Variants in CELF2 observed in about 807,000 individuals in gnomAD.
The protein encoded by CELF2 is CUG triplet repeat RNA-binding protein 2.
In CELF2, 8 loss-of-function variants were observed where a neutral mutation model predicts 62.6. The ratio of observed to expected loss-of-function variants is 0.13; its 90% confidence interval spans 0.07 to 0.23. The LOEUF is 0.23. Among genes scored for constraint, CELF2 ranks in the 10% least tolerant of loss-of-function variants. CELF2 has a pLI of 1.00. For missense variants in CELF2, 333 were observed against 671.0 expected (o/e 0.50, Z 5.56); for synonymous variants, 258 against 250.0 (o/e 1.03, Z -0.30).
At position 10,931,594 on chromosome 10, in the gene CELF2, C is replaced by T. The variant is rs1007893010; in HGVS notation, c.89+11595C>T. ...ATTCATCATTGGGCACCACGGCACC[C>T]CTTCCAAAGTAAAGAAAATTTATTT... On this transcript the variant is annotated intron_variant, in intron 2 of 13. Coordinates refer to the CELF2 transcript ENST00000636488. This position sits in a 1 kb window ranked among gnomAD's most constrained non-coding sequence, Gnocchi z 6.1. Among the ~76,000 whole-genome samples, 1 of 152,098 alleles carries T rather than the reference C, an allele frequency of 6.6e-6. No homozygotes were observed. The highest frequency in any genetic ancestry group is 1.5e-5 in the Non-Finnish European group (1 of 68,022).
chr10:11,094,705 G>T (rs1022783774), intron 1 of CELF2, among the ~76,000 whole-genome samples: 1 of 152,214 alleles, frequency 6.6e-6, no homozygotes, highest in African/African-American at 2.4e-5. Flanking sequence ...TGCCCATCAT[G>T]TGTCCATCCA....
intron 2 of CELF2, among the ~76,000 whole-genome samples, chr10:10,964,037 G>C (rs1246730356): frequency 6.6e-6 from 1 of 152,158 alleles, no homozygotes; most frequent in Non-Finnish European, 1.5e-5. Flanking sequence ...GAATCAAAAA[G>C]ATATTAGAAT....
upstream of CELF2, among the ~76,000 whole-genome samples, chr10:11,004,422 CGTGTGT>C (rs10676789): frequency 2.0e-5 from 3 of 148,584 alleles, no homozygotes; most frequent in South Asian, 2.1e-4. This position sits in a 1 kb window ranked among gnomAD's most constrained non-coding sequence, Gnocchi z 5.0. Flanking sequence ...TGTGCGCGCG[CGTGTGT>C]GTGTGTGTGT....
chr10:10,528,165 G>T, the CELF2 span, among the ~76,000 whole-genome samples: 588 of 41,328 alleles, frequency 0.014, 5 homozygotes, highest in African/African-American at 0.026. Flanking sequence ...TGTTTTGTGT[G>T]TGTGTGTGTG....
At chr10:10,724,976 C>T in the CELF2 span, among the ~76,000 whole-genome samples, 8 of 152,172 alleles carry the variant, frequency 5.3e-5, no homozygotes, top group Admixed American at 2.0e-4. Context: ...GTGGCAGCTA[C>T]GTAAGACATT....
At chr10:11,009,340 CGTGT>C (rs1018198529) in intron 1 of CELF2, among the ~76,000 whole-genome samples, 14 of 149,672 alleles carry the variant, frequency 9.4e-5, no homozygotes, top group Admixed American at 4.6e-4. Context: ...TGTGTGTGCG[CGTGT>C]GTGTGAGTGT....
In CELF2 at chr10:11,280,221, C is replaced by T. The variant is rs796580880; in HGVS notation, c.841+5101C>T. On this transcript the variant is annotated intron_variant, in intron 8 of 12. Coordinates refer to ENST00000633077, the MANE Select transcript of CELF2 (RefSeq NM_001326342.2). This position sits in a 1 kb window ranked among gnomAD's most constrained non-coding sequence, Gnocchi z 7.6. ...ACCAGAAAGAGGACTTCCGGATGAG[C>T]GGAAGTGAAGCCCGCTGTTAGTTCT... is the stretch of plus-strand genomic sequence containing the variant. Among the ~76,000 whole-genome samples, 3 of 152,098 alleles carry T rather than the reference C, an allele frequency of 2.0e-5. No individual in the cohort carries two copies. Among genetic ancestry groups the T allele is most frequent in the Non-Finnish European group, 4.4e-5 (3 of 68,008 alleles).
chr10:11,271,898 C>T (rs2083931644), intron 7 of CELF2, among the ~76,000 whole-genome samples: 2 of 152,124 alleles, frequency 1.3e-5, no homozygotes, highest in South Asian at 4.2e-4. Context: ...GCTTTTCGGA[C>T]ATATGAGGAA....
At chr10:10,563,607 CAA>C in the CELF2 span, among the ~76,000 whole-genome samples, 607 of 86,956 alleles carry the variant, frequency 7.0e-3, 3 homozygotes, top group African/African-American at 0.02. Flanking sequence ...GACTGTGTCT[CAA>C]AAAAAAAAAA....
intron 1 of CELF2, among the ~76,000 whole-genome samples, chr10:10,900,311 A>T (rs2062846580): frequency 6.6e-6 from 1 of 152,352 alleles, no homozygotes; most frequent in Non-Finnish European, 1.5e-5. Flanking sequence ...GTGAACATAG[A>T]TGTAAAATTC....
chr10:11,107,467 A>G (rs1024704002), intron 1 of CELF2, among the ~76,000 whole-genome samples: 3 of 152,132 alleles, frequency 2.0e-5, no homozygotes, highest in African/African-American at 7.2e-5. Flanking sequence ...ATGCTACCCT[A>G]CAGAAGACTG....
intron 2 of CELF2, among the ~76,000 whole-genome samples, chr10:11,212,737 GTTTTTT>G (rs11354880): frequency 1.1e-5 from 1 of 91,964 alleles, no homozygotes. Context: ...TGTGTTTTGG[GTTTTTT>G]TTTTTTTTTT....
At chr10:10,516,660 C>T in the CELF2 span, among the ~76,000 whole-genome samples, 6 of 151,966 alleles carry the variant, frequency 3.9e-5, no homozygotes, top group African/African-American at 1.4e-4. Context: ...CTTAATTACC[C>T]TCGGGGGTCC....
chr10:10,816,028 A>G (rs1033613361), intron 1 of CELF2, among the ~76,000 whole-genome samples: 2 of 151,918 alleles, frequency 1.3e-5, no homozygotes, highest in African/African-American at 4.8e-5. Flanking sequence ...TGGTAACACC[A>G]TCCTCCTACA....
rs1401180553 is a variant in CELF2 at position 11,214,750 on chromosome 10, C to T, written c.272-2675C>T. Reference sequence around the variant, plus strand: ...TCTCTTGGCATGATGTTAAAGAATACCTGTTTAGATGAGTGTACACTTTTA... The same window carrying T: ...TCTCTTGGCATGATGTTAAAGAATATCTGTTTAGATGAGTGTACACTTTTA... On this transcript the variant is annotated intron_variant, in intron 2 of 12. Coordinates refer to ENST00000633077, the MANE Select transcript of CELF2 (RefSeq NM_001326342.2). This position sits in a 1 kb window ranked among gnomAD's most constrained non-coding sequence, Gnocchi z 4.2. 6.6e-6 allele frequency among the ~76,000 whole-genome samples: 1 copy of T among 152,186 alleles called. No individual in the cohort carries two copies. The highest frequency in any genetic ancestry group is 1.5e-5 in the Non-Finnish European group (1 of 68,030).
At chr10:11,240,174 A>G (rs1354972366) in intron 3 of CELF2, among the ~76,000 whole-genome samples, 3 of 152,240 alleles carry the variant, frequency 2.0e-5, no homozygotes, top group Admixed American at 6.5e-5. Flanking sequence ...TGGAATTGGC[A>G]TCTTCAGAGG....
Position 11,077,899 on chromosome 10 carries a change from G to A in CELF2, c.74+59736G>A, listed in dbSNP as rs2072581094. 3.3e-5 allele frequency among the ~76,000 whole-genome samples: 5 copies of A among 152,132 alleles called. No homozygotes were observed. In the South Asian group the frequency reaches 1.0e-3, roughly 32 times the overall value. ...GCAGTCTTTCAAACTGCTACATCAG[G>A]ATTTAGACATACAGTAACACCTGTA... On this transcript the variant is annotated intron_variant, in intron 1 of 12. Coordinates refer to ENST00000633077, the MANE Select transcript of CELF2 (RefSeq NM_001326342.2).
chr10:10,705,103 T>C, the CELF2 span, among the ~76,000 whole-genome samples: 1 of 152,046 alleles, frequency 6.6e-6, no homozygotes, highest in African/African-American at 2.4e-5. Context: ...GGAAGATCGC[T>C]TGAGCGTAGA....
At chr10:11,099,881 C>CAAAAAAAAAA (rs1554835241) in intron 1 of CELF2, among the ~76,000 whole-genome samples, 3 of 133,758 alleles carry the variant, frequency 2.2e-5, no homozygotes, top group East Asian at 2.5e-4. Context: ...ACAACAACAA[C>CAAAAAAAAAA]AACAAAAAAA....
Sources: allele counts gnomAD v4.1 joint callset (sites outside exome capture counted in the v4.1 genomes callset), GRCh38; gene constraint gnomAD v4.1.1; non-coding constraint Gnocchi (gnomAD v3.1); transcripts MANE v1.5; gene names NCBI Gene and HGNC (gene_info 2026-07-23, HGNC 2026-07-21).